TUSC3: variants seen among roughly 807,000 people sequenced by gnomAD.
TUSC3 encodes dolichyl-diphosphooligosaccharide--protein glycosyltransferase subunit TUSC3.
A neutral mutation model predicts 44.8 loss-of-function variants in TUSC3; 45 were observed. The ratio of observed to expected loss-of-function variants is 1.00; its 90% CI spans 0.79 to 1.29. TUSC3 has a LOEUF of 1.29. Among genes scored for constraint, TUSC3 ranks in the 50% most tolerant of loss-of-function variants. The pLI is 0.00. For missense variants in TUSC3, 519 were observed against 437.9 expected, an observed-to-expected ratio of 1.19 and a Z score of -1.65; for synonymous variants, 212 against 152.9, an observed-to-expected ratio of 1.39 and a Z score of -2.85.
At chr8:15,849,838 G>A in the TUSC3 span, among the ~76,000 whole-genome samples, 2 of 152,074 alleles carry the variant, frequency 1.3e-5, no homozygotes, top group African/African-American at 4.8e-5. Flanking sequence ...ATCTTGAAAT[G>A]AGACTTTGTG....
At chr8:15,495,043 T>C (rs1184187668) in intron 2 of TUSC3, among the ~76,000 whole-genome samples, 4 of 152,196 alleles carry the variant, frequency 2.6e-5, no homozygotes, top group Non-Finnish European at 4.4e-5. Context: ...CCTAGGATAA[T>C]AGCCTCCAGC....
At chr8:15,470,995 C>T (rs1800484935) in intron 1 of TUSC3, among the ~76,000 whole-genome samples, 2 of 152,054 alleles carry the variant, frequency 1.3e-5, no homozygotes, top group Non-Finnish European at 2.9e-5. Flanking sequence ...AAATTATGGT[C>T]AAAATTTCAT....
chr8:15,581,696 C>G (rs1322298818), intron 1 of TUSC3, among the ~76,000 whole-genome samples: 1 of 144,516 alleles, frequency 6.9e-6, no homozygotes, highest in Non-Finnish European at 1.5e-5. Flanking sequence ...CAGCTGCGTG[C>G]TGGGAGAACC....
At chr8:15,470,172 A>G (rs1027808109) in intron 1 of TUSC3, among the ~76,000 whole-genome samples, 16 of 151,520 alleles carry the variant, frequency 1.1e-4, no homozygotes, top group African/African-American at 3.9e-4. Context: ...TTACTTGGGA[A>G]TCTGAGGTGA....
the TUSC3 span, among the ~76,000 whole-genome samples, chr8:15,795,227 A>AT: frequency 4.6e-5 from 7 of 152,326 alleles, no homozygotes; most frequent in East Asian, 9.7e-4. Context: ...CACCCAAGGC[A>AT]TTAATCCAAG....
At chr8:15,470,528 A>C (rs1238521457) in intron 1 of TUSC3, among the ~76,000 whole-genome samples, 1 of 152,092 alleles carries the variant, frequency 6.6e-6, no homozygotes, top group Admixed American at 6.6e-5. Flanking sequence ...GATAGTAGAG[A>C]AGTTTGAGTA....
At chr8:15,444,228 C>G (rs1428692268) in intron 1 of TUSC3, among the ~76,000 whole-genome samples, 1 of 152,174 alleles carries the variant, frequency 6.6e-6, no homozygotes, top group Non-Finnish European at 1.5e-5. Flanking sequence ...AAAAGTAAGA[C>G]GAGCCTTCAT....
At chr8:15,794,779 A>G in the TUSC3 span, among the ~76,000 whole-genome samples, 2 of 152,112 alleles carry the variant, frequency 1.3e-5, no homozygotes, top group Non-Finnish European at 2.9e-5. Context: ...TTTGATCCAC[A>G]GGGGGGAAAA....
the TUSC3 span, among the ~76,000 whole-genome samples, chr8:15,844,798 G>T: frequency 1.3e-5 from 2 of 152,002 alleles, no homozygotes; most frequent in Non-Finnish European, 2.9e-5. Context: ...AACTGATACT[G>T]CCTCCGATAT....
At chr8:15,657,240 C>T (rs1007735246) in intron 3 of TUSC3, among the ~76,000 whole-genome samples, 3 of 152,268 alleles carry the variant, frequency 2.0e-5, no homozygotes, top group Middle Eastern at 3.4e-3. Flanking sequence ...TTTTCCAAAT[C>T]TTTATGTTTT....
At chr8:15,784,038 T>G in the TUSC3 span, among the ~76,000 whole-genome samples, 1 of 152,082 alleles carries the variant, frequency 6.6e-6, no homozygotes, top group African/African-American at 2.4e-5. Context: ...AAATGGGCAA[T>G]GGACCCGAGT....
At chr8:15,741,116 G>A (rs1443155570) in intron 7 of TUSC3, among the ~76,000 whole-genome samples, 1 of 148,588 alleles carries the variant, frequency 6.7e-6, no homozygotes, top group Admixed American at 6.8e-5. Flanking sequence ...TTTTCCCTGA[G>A]TTCATGGCTT....
chr8:15,700,238 A>C (rs911985418), intron 6 of TUSC3, among the ~76,000 whole-genome samples: 4 of 152,172 alleles, frequency 2.6e-5, no homozygotes, highest in African/African-American at 9.6e-5. Flanking sequence ...TCACACTTCA[A>C]GTCATTTATT....
intron 1 of TUSC3, among the ~76,000 whole-genome samples, chr8:15,596,558 A>G (rs187847880): frequency 1.3e-5 from 2 of 152,286 alleles, no homozygotes; most frequent in African/African-American, 4.8e-5. Context: ...ATACTGAGGA[A>G]TGACTATAAT....
At chr8:15,448,904 A>G (rs529363613) in intron 1 of TUSC3, among the ~76,000 whole-genome samples, 3 of 152,340 alleles carry the variant, frequency 2.0e-5, no homozygotes, top group African/African-American at 7.2e-5. Context: ...TGACGTAGCC[A>G]TTATAACATC....
At chr8:15,535,172 CAGG>C (rs1424386911) in intron 2 of TUSC3, among the ~76,000 whole-genome samples, 1 of 152,098 alleles carries the variant, frequency 6.6e-6, no homozygotes, top group Non-Finnish European at 1.5e-5. Context: ...TGATATATAG[CAGG>C]TTAGATTCTG....
intron 1 of TUSC3, among the ~76,000 whole-genome samples, chr8:15,564,455 A>T (rs926282356): frequency 6.6e-6 from 1 of 152,138 alleles, no homozygotes; most frequent in Non-Finnish European, 1.5e-5. Context: ...TTATTGAAAG[A>T]TACTTAACAT....
intron 1 of TUSC3, among the ~76,000 whole-genome samples, chr8:15,583,032 T>A (rs1563302591): frequency 6.6e-6 from 1 of 152,204 alleles, no homozygotes; most frequent in Non-Finnish European, 1.5e-5. Context: ...TAAAGATACA[T>A]GTAGCTAGGT....
Position 15,689,821 on chromosome 8 carries a change from GGTGTGTGTGTGTGTGTGT to G in TUSC3, c.798+16010_798+16027del, listed in dbSNP as rs71543657. Among the ~76,000 whole-genome samples, 11 of 131,056 alleles carry G rather than the reference GGTGTGTGTGTGTGTGTGT, an allele frequency of 8.4e-5. No homozygotes were observed. The East Asian group carries it at 1.1e-3, about 13-fold the overall frequency. 86.0% of individuals were successfully genotyped at this position (131,056 alleles called of 152,430 possible). ...TTTTTATGGCTGCTTAATAGTCCAT[GGTGTGTGTGTGTGTGTGT>G]GTGTGTGTGTGTGTGTGTGTGTGTA... On this transcript the variant is annotated intron_variant, in intron 6 of 10. Coordinates refer to ENST00000503731, the MANE Select transcript of TUSC3 (RefSeq NM_006765.4).
Sources: allele counts gnomAD v4.1 joint callset (sites outside exome capture counted in the v4.1 genomes callset), GRCh38; gene constraint gnomAD v4.1.1; transcripts MANE v1.5; gene names NCBI Gene and HGNC (gene_info 2026-07-23, HGNC 2026-07-21).